Variants in ARHGAP10 observed in about 807,000 individuals in gnomAD.
The protein encoded by ARHGAP10 is rho GTPase-activating protein 10.
Under a neutral mutation model 108.6 loss-of-function variants are expected in ARHGAP10, and 87 were observed. That is an observed-to-expected ratio of 0.80 (90% CI 0.67 to 0.96). The LOEUF is 0.96. ARHGAP10 is among the 40% of genes least tolerant of loss of function. ARHGAP10 has a pLI of 0.00. For synonymous variants in ARHGAP10, 347 were observed against 341.1 expected (o/e 1.02, Z -0.19); for missense variants, 939 against 954.5 (o/e 0.98, Z 0.21).
Position 147,732,364 on chromosome 4 carries a change from G to C in ARHGAP10, c.63G>C (p.Arg21Ser). ...TCGACAGCCCGTGGTTCCGGGAGAG[G>C]ATCCGCGCTCACGAAGCGGAACTCG... is the stretch of plus-strand genomic sequence containing the variant. ...CYLDSPWFRERIRAHEAELER... is the reference protein window; with the variant it reads ...CYLDSPWFRESIRAHEAELER... Residue 21 changes from arginine to serine, a missense_variant, in exon 1 of 23, where the codon AGG (arginine) becomes AGC (serine). Arg to Ser is a moderately radical substitution (Grantham distance 110). Transcript: ENST00000336498. The C allele has an allele frequency of 6.2e-7, 1 of 1,613,566 alleles. No individual in the cohort carries two copies.
intron 18 of ARHGAP10, among the ~76,000 whole-genome samples, chr4:147,998,844 T>C (rs778214529): frequency 1.3e-5 from 2 of 152,250 alleles, no homozygotes; most frequent in Non-Finnish European, 2.9e-5. Flanking sequence ...TAGCCCTTAA[T>C]TTAGTATTCT....
chr4:147,795,167 T>TA (rs1414934426), intron 1 of ARHGAP10, among the ~76,000 whole-genome samples: 2 of 152,198 alleles, frequency 1.3e-5, no homozygotes, highest in African/African-American at 4.8e-5. Context: ...ACTGCAGCCT[T>TA]GAACTCCTGG....
intron 18 of ARHGAP10, among the ~76,000 whole-genome samples, chr4:147,974,169 T>C (rs1300909980): frequency 1.3e-5 from 2 of 152,182 alleles, no homozygotes; most frequent in African/African-American, 4.8e-5. Context: ...TTCTCTTTTC[T>C]CTACATCCTT....
At chr4:147,995,835 G>T (rs1286289629) in intron 18 of ARHGAP10, among the ~76,000 whole-genome samples, 1 of 151,774 alleles carries the variant, frequency 6.6e-6, no homozygotes, top group Non-Finnish European at 1.5e-5. Flanking sequence ...TCCTGCCTCA[G>T]CCTCCCGAGT....
At chr4:148,045,467 T>C (rs1299828355) in intron 19 of ARHGAP10, among the ~76,000 whole-genome samples, 10 of 152,048 alleles carry the variant, frequency 6.6e-5, no homozygotes, top group Admixed American at 6.5e-4. Context: ...TCTGGCTGGG[T>C]GCAGTGGCTC....
intron 20 of ARHGAP10, among the ~76,000 whole-genome samples, chr4:148,049,556 C>T (rs557548407): frequency 2.0e-5 from 3 of 152,168 alleles, no homozygotes; most frequent in South Asian, 2.1e-4. Flanking sequence ...CCTATCTTAA[C>T]GGTCTAATTT....
intron 18 of ARHGAP10, among the ~76,000 whole-genome samples, chr4:148,014,536 C>G (rs1471163581): frequency 7.2e-5 from 11 of 152,186 alleles, no homozygotes; most frequent in Admixed American, 7.2e-4. Flanking sequence ...GTGAAAATTT[C>G]TTTAATGCCA....
At chr4:147,999,451 C>T (rs182412868) in intron 18 of ARHGAP10, among the ~76,000 whole-genome samples, 1,643 of 152,298 alleles carry the variant, frequency 0.011, 15 homozygotes, top group Middle Eastern at 0.017. Context: ...CACTGCTGTT[C>T]GCTGCCATTG....
At chr4:147,750,314 T>C (rs1218377310) in intron 1 of ARHGAP10, among the ~76,000 whole-genome samples, 1 of 152,108 alleles carries the variant, frequency 6.6e-6, no homozygotes, top group Non-Finnish European at 1.5e-5. Flanking sequence ...AAGGGAGGTG[T>C]TTAATTTCTT....
intron 22 of ARHGAP10, among the ~76,000 whole-genome samples, chr4:148,071,678 G>A (rs1310749117): frequency 6.6e-6 from 1 of 152,130 alleles, no homozygotes; most frequent in Non-Finnish European, 1.5e-5. Context: ...CTTTAAGCAG[G>A]GGAGTGATGT....
chr4:147,932,347 A>G (rs919969668), intron 13 of ARHGAP10, among the ~76,000 whole-genome samples: 1 of 152,202 alleles, frequency 6.6e-6, no homozygotes, highest in African/African-American at 2.4e-5. Context: ...ATAAAGACGC[A>G]TGCATATGTT....
intron 18 of ARHGAP10, among the ~76,000 whole-genome samples, chr4:148,018,529 C>T (rs1444884438): frequency 6.6e-6 from 1 of 151,534 alleles, no homozygotes; most frequent in Non-Finnish European, 1.5e-5. Context: ...TTAAGTCATT[C>T]CTGGTGTTTC....
intron 18 of ARHGAP10, among the ~76,000 whole-genome samples, chr4:148,001,599 C>G (rs58357782): frequency 0.13 from 19,673 of 148,804 alleles, 2,093 homozygotes; most frequent in African/African-American, 0.29. Flanking sequence ...TTGAGCAGTG[C>G]TTTATAGTTC....
intron 1 of ARHGAP10, among the ~76,000 whole-genome samples, chr4:147,743,515 C>T (rs927286487): frequency 1.2e-4 from 19 of 152,106 alleles, no homozygotes; most frequent in Non-Finnish European, 1.2e-4. Context: ...CAGTGGTGCA[C>T]GCCTGTAATT....
At chr4:147,864,589 A>G (rs1734466445) in intron 5 of ARHGAP10, 1 of 332,690 alleles carries the variant, frequency 3.0e-6, no homozygotes, top group Admixed American at 4.7e-5. Context: ...TTTTTCTGCA[A>G]AGAAACTGAT....
chr4:147,746,196 G>A (rs947720516), intron 1 of ARHGAP10, among the ~76,000 whole-genome samples: 6 of 149,156 alleles, frequency 4.0e-5, no homozygotes, highest in African/African-American at 7.4e-5. Flanking sequence ...CTCTGCCTCC[G>A]GGGTTAAAGC....
At chr4:147,883,887 G>A (rs779512260) in intron 10 of ARHGAP10, among the ~76,000 whole-genome samples, 1 of 152,094 alleles carries the variant, frequency 6.6e-6, no homozygotes. Context: ...TACAGACAGG[G>A]TTTTGCTATG....
chr4:148,030,660 C>G (rs1728110060), intron 19 of ARHGAP10, among the ~76,000 whole-genome samples: 1 of 152,126 alleles, frequency 6.6e-6, no homozygotes, highest in South Asian at 2.1e-4. Flanking sequence ...TTCTTACCAG[C>G]TGTTGAGGAA....
At chr4:147,792,220 G>A (rs1731151900) in intron 1 of ARHGAP10, among the ~76,000 whole-genome samples, 2 of 152,156 alleles carry the variant, frequency 1.3e-5, no homozygotes, top group Admixed American at 1.3e-4. Context: ...TTGAGTTTTT[G>A]CTCATCTGTT....
Sources: allele counts gnomAD v4.1 joint callset (sites outside exome capture counted in the v4.1 genomes callset), GRCh38; gene constraint gnomAD v4.1.1; transcripts MANE v1.5; gene names NCBI Gene and HGNC (gene_info 2026-07-23, HGNC 2026-07-21).